Variants in CDH13 observed in about 807,000 individuals in gnomAD.
CDH13 encodes the protein cadherin-13.
Under a neutral mutation model 63.8 loss-of-function variants are expected in CDH13, and 24 were observed. The ratio of observed to expected loss-of-function variants is 0.38; its 90% CI spans 0.27 to 0.53. The LOEUF (loss-of-function observed/expected upper bound fraction) is 0.53, where lower values mean the gene tolerates loss of function less well. Among genes scored for constraint, CDH13 ranks in the 20% least tolerant of loss-of-function variants. The pLI, the probability that CDH13 is intolerant of heterozygous loss-of-function variation, is 0.85. For synonymous variants in CDH13, 503 were observed against 355.3 expected (o/e 1.42, Z -4.67); for missense variants, 1,049 against 903.1 (o/e 1.16, Z -2.07).
At chr16:83,763,221 C>A (rs1914116734) in intron 11 of CDH13, among the ~76,000 whole-genome samples, 1 of 152,068 alleles carries the variant, frequency 6.6e-6, no homozygotes, top group Non-Finnish European at 1.5e-5. Flanking sequence ...GCCAAGAAGA[C>A]ACACAGATAT....
intron 10 of CDH13, among the ~76,000 whole-genome samples, chr16:83,707,316 C>G (rs1251790413): frequency 1.3e-5 from 2 of 152,120 alleles, no homozygotes; most frequent in Non-Finnish European, 2.9e-5. Context: ...TTGAATTCCT[C>G]CATTCTATTT....
intron 2 of CDH13, among the ~76,000 whole-genome samples, chr16:82,863,049 C>G (rs534697550): frequency 6.6e-6 from 1 of 152,334 alleles, no homozygotes; most frequent in East Asian, 1.9e-4. Flanking sequence ...GCCAACCTAA[C>G]TGCAAAGGAG....
At chr16:83,602,954 T>C (rs1189369989) in intron 8 of CDH13, among the ~76,000 whole-genome samples, 6 of 152,200 alleles carry the variant, frequency 3.9e-5, no homozygotes, top group African/African-American at 1.4e-4. Context: ...TTCCAGCAAG[T>C]GCAGATTGAG....
At chr16:83,269,598 C>A (rs982544742) in intron 5 of CDH13, among the ~76,000 whole-genome samples, 2 of 152,112 alleles carry the variant, frequency 1.3e-5, no homozygotes, top group Non-Finnish European at 2.9e-5. Flanking sequence ...TCACTCCACC[C>A]CAAAAGAATG....
chr16:83,245,085 A>G (rs1904855506), intron 5 of CDH13, among the ~76,000 whole-genome samples: 1 of 151,212 alleles, frequency 6.6e-6, no homozygotes, highest in African/African-American at 2.4e-5. Flanking sequence ...GCAGTCCCAC[A>G]CTTGCTATGT....
intron 10 of CDH13, among the ~76,000 whole-genome samples, chr16:83,703,763 A>G (rs1198304015): frequency 6.6e-6 from 1 of 152,208 alleles, no homozygotes; most frequent in Admixed American, 6.5e-5. Context: ...CTTTCTTGGC[A>G]GACTCCCTCA....
intron 3 of CDH13, among the ~76,000 whole-genome samples, chr16:83,111,039 T>C (rs927728240): frequency 2.2e-5 from 3 of 137,066 alleles, no homozygotes; most frequent in Non-Finnish European, 4.6e-5. Context: ...GGGCGTGGTG[T>C]CGGGTGCCTG....
At chr16:82,949,099 T>C (rs1180198209) in intron 2 of CDH13, among the ~76,000 whole-genome samples, 1 of 152,210 alleles carries the variant, frequency 6.6e-6, no homozygotes, top group East Asian at 1.9e-4. Context: ...ATTAGTTTCT[T>C]AGGGCTGACA....
At chr16:83,496,473 C>G (rs555805904) in intron 7 of CDH13, among the ~76,000 whole-genome samples, 1 of 151,632 alleles carries the variant, frequency 6.6e-6, no homozygotes, top group East Asian at 1.9e-4. Context: ...AAAGCTGAAA[C>G]TGGATCCCTT....
At chr16:82,846,549 C>T (rs546096348) in intron 1 of CDH13, among the ~76,000 whole-genome samples, 11 of 152,188 alleles carry the variant, frequency 7.2e-5, no homozygotes, top group African/African-American at 1.9e-4. Context: ...GTAACTTGCT[C>T]AGGGTCACAT....
At chr16:82,923,696 C>T (rs990208976) in intron 2 of CDH13, among the ~76,000 whole-genome samples, 2 of 152,160 alleles carry the variant, frequency 1.3e-5, no homozygotes, top group Non-Finnish European at 2.9e-5. Context: ...CATATGAAAC[C>T]AGAACACAGC....
chr16:83,778,726 A>G (rs1331630295), intron 11 of CDH13, among the ~76,000 whole-genome samples: 3 of 152,196 alleles, frequency 2.0e-5, no homozygotes, highest in Non-Finnish European at 4.4e-5. Context: ...CTCATTTCTC[A>G]TCACTAACCC....
intron 3 of CDH13, among the ~76,000 whole-genome samples, chr16:83,056,002 A>T (rs1035864488): frequency 2.6e-5 from 4 of 152,178 alleles, no homozygotes; most frequent in Non-Finnish European, 1.5e-5. Flanking sequence ...TCCTACAAAA[A>T]TATAACAAAA....
At chr16:83,772,648 A>T (rs1957405040) in intron 11 of CDH13, among the ~76,000 whole-genome samples, 1 of 152,212 alleles carries the variant, frequency 6.6e-6, no homozygotes, top group Non-Finnish European at 1.5e-5. Context: ...TGTTTAAAGC[A>T]ATCTCATTAA....
intron 10 of CDH13, among the ~76,000 whole-genome samples, chr16:83,692,063 GCCGTC>G (rs1904952778): frequency 6.6e-6 from 1 of 152,142 alleles, no homozygotes; most frequent in Admixed American, 6.5e-5. Flanking sequence ...CTCAATGACA[GCCGTC>G]GTCACCTCTC....
chr16:83,698,765 G>A (rs554493662), intron 10 of CDH13, among the ~76,000 whole-genome samples: 11 of 152,328 alleles, frequency 7.2e-5, no homozygotes, highest in African/African-American at 2.6e-4. Flanking sequence ...AGCACGGTTG[G>A]CAAGTTTCTT....
intron 6 of CDH13, among the ~76,000 whole-genome samples, chr16:83,466,265 A>C (rs2073312658): frequency 6.6e-6 from 1 of 152,216 alleles, no homozygotes; most frequent in Non-Finnish European, 1.5e-5. Flanking sequence ...CTCAGTAAGG[A>C]AGACACCAGG....
chr16:83,167,056 A>G (rs10048109), intron 4 of CDH13, among the ~76,000 whole-genome samples: 73,051 of 152,034 alleles, frequency 0.48, 19,748 homozygotes, highest in African/African-American at 0.73. Context: ...ACTATATAAG[A>G]AAACACGGCA....
intron 6 of CDH13, among the ~76,000 whole-genome samples, chr16:83,395,637 G>A (rs578111244): frequency 5.8e-4 from 88 of 152,216 alleles, no homozygotes; most frequent in African/African-American, 1.8e-3. Context: ...CTCAAAGGTG[G>A]TAGAATATAG....
Sources: allele counts gnomAD v4.1 joint callset (sites outside exome capture counted in the v4.1 genomes callset), GRCh38; gene constraint gnomAD v4.1.1; transcripts MANE v1.5; gene names NCBI Gene and HGNC (gene_info 2026-07-23, HGNC 2026-07-21).